The following RIT2 variants were observed in gnomAD, a reference collection of about 807,000 sequenced individuals.
The protein encoded by RIT2 is GTP-binding protein Rit2.
RIT2 carries 24 observed loss-of-function variants against 23.7 expected under a neutral mutation model. The ratio of observed to expected loss-of-function variants is 1.01; its 90% CI spans 0.73 to 1.43. The LOEUF (loss-of-function observed/expected upper bound fraction) is 1.43. Ranked by LOEUF, RIT2 falls within the 40% of genes most tolerant of loss-of-function variation. The pLI, the probability that RIT2 is intolerant of heterozygous loss-of-function variation, is 0.00. For synonymous variants in RIT2, 107 were observed against 91.1 expected, an observed-to-expected ratio of 1.17 and a Z score of -0.99; for missense variants, 236 against 266.9, an observed-to-expected ratio of 0.88 and a Z score of 0.81.
At chr18:42,807,589 C>G (rs961943131) in intron 4 of RIT2, among the ~76,000 whole-genome samples, 4 of 152,146 alleles carry the variant, frequency 2.6e-5, no homozygotes, top group African/African-American at 7.2e-5. Flanking sequence ...TGCACTCCAG[C>G]CTGGGTGGCA....
At chr18:43,017,690 A>G (rs58766409) in intron 2 of RIT2, among the ~76,000 whole-genome samples, 5,225 of 152,142 alleles carry the variant, frequency 0.034, 303 homozygotes, top group African/African-American at 0.12. Context: ...TATTATCTCA[A>G]TTAACCCTCA....
intron 4 of RIT2, among the ~76,000 whole-genome samples, chr18:42,748,789 C>T (rs1027626075): frequency 6.6e-6 from 1 of 151,906 alleles, no homozygotes; most frequent in African/African-American, 2.4e-5. Context: ...GGATAAAAGG[C>T]TACACATTGG....
At chr18:43,068,832 G>A (rs1227087132) in intron 1 of RIT2, among the ~76,000 whole-genome samples, 3 of 151,926 alleles carry the variant, frequency 2.0e-5, no homozygotes, top group Non-Finnish European at 4.4e-5. Context: ...ATTTGTGTTG[G>A]CACAGTTTAC....
intron 4 of RIT2, among the ~76,000 whole-genome samples, chr18:42,916,206 C>T (rs1434576984): frequency 6.6e-6 from 1 of 152,062 alleles, no homozygotes; most frequent in Non-Finnish European, 1.5e-5. Flanking sequence ...TAATGAAGAT[C>T]ACAGGTGGTA....
intron 1 of RIT2, among the ~76,000 whole-genome samples, chr18:43,086,638 A>G (rs771824730): frequency 2.0e-5 from 3 of 152,140 alleles, no homozygotes; most frequent in Non-Finnish European, 2.9e-5. Flanking sequence ...AAGGCACTGC[A>G]CGGCTGGCCA....
intron 4 of RIT2, among the ~76,000 whole-genome samples, chr18:42,877,304 C>A (rs1907768110): frequency 6.6e-6 from 1 of 151,394 alleles, no homozygotes; most frequent in African/African-American, 2.4e-5. Context: ...TGAGAGAGAT[C>A]TTTGTTATTT....
chr18:42,966,801 G>C (rs1309587365), intron 3 of RIT2, among the ~76,000 whole-genome samples: 2 of 151,828 alleles, frequency 1.3e-5, no homozygotes, highest in Admixed American at 6.6e-5. Flanking sequence ...ATCATGTTGA[G>C]AATGTCAGAT....
At chr18:43,054,021 G>C (rs1443138460) in intron 1 of RIT2, among the ~76,000 whole-genome samples, 1 of 152,024 alleles carries the variant, frequency 6.6e-6, no homozygotes, top group East Asian at 1.9e-4. Context: ...CCAAGGCAGA[G>C]TTCTTGGCAG....
intron 3 of RIT2, among the ~76,000 whole-genome samples, chr18:42,943,387 A>T (rs1280204815): frequency 6.6e-6 from 1 of 152,014 alleles, no homozygotes. Flanking sequence ...CCCTTATAAG[A>T]CAGAAAAGTT....
intron 1 of RIT2, among the ~76,000 whole-genome samples, chr18:43,054,201 G>C (rs1212882327): frequency 6.6e-6 from 1 of 152,040 alleles, no homozygotes; most frequent in Non-Finnish European, 1.5e-5. Flanking sequence ...TTGTGCAGCT[G>C]GGTCAGTATC....
chr18:43,040,782 A>T (rs1431618687), intron 1 of RIT2, among the ~76,000 whole-genome samples: 1 of 152,084 alleles, frequency 6.6e-6, no homozygotes, highest in Non-Finnish European at 1.5e-5. Flanking sequence ...AAAGGTGGAA[A>T]TGTCAAATGA....
chr18:42,954,852 C>T (rs1179671910), intron 3 of RIT2, among the ~76,000 whole-genome samples: 1 of 152,118 alleles, frequency 6.6e-6, no homozygotes, highest in Non-Finnish European at 1.5e-5. Context: ...TTTACCACCT[C>T]TCTTACTGTT....
intron 4 of RIT2, among the ~76,000 whole-genome samples, chr18:42,904,029 G>A (rs1039111600): frequency 6.6e-6 from 1 of 152,004 alleles, no homozygotes; most frequent in Non-Finnish European, 1.5e-5. Flanking sequence ...AAATTGTAAT[G>A]CTATATTTAT....
chr18:43,028,429 A>G (rs1055260276), intron 2 of RIT2, among the ~76,000 whole-genome samples: 3 of 152,096 alleles, frequency 2.0e-5, no homozygotes, highest in African/African-American at 7.2e-5. Context: ...TGGTTGGTGC[A>G]TAGCAAGCAA....
intron 4 of RIT2, among the ~76,000 whole-genome samples, chr18:42,845,094 T>C (rs570579583): frequency 1.6e-4 from 24 of 152,052 alleles, no homozygotes; most frequent in Admixed American, 5.9e-4. Flanking sequence ...AAGTTGAGTA[T>C]ATGGGATTGC....
chr18:42,837,721 G>A (rs1906656527), intron 4 of RIT2, among the ~76,000 whole-genome samples: 1 of 152,080 alleles, frequency 6.6e-6, no homozygotes, highest in Admixed American at 6.6e-5. Context: ...TGGTCTTTCT[G>A]TAGTCCCAGT....
At chr18:42,873,694 A>ATT (rs1907676526) in intron 4 of RIT2, among the ~76,000 whole-genome samples, 1 of 152,178 alleles carries the variant, frequency 6.6e-6, no homozygotes, top group African/African-American at 2.4e-5. Flanking sequence ...CAGAAGGAAT[A>ATT]TTCAAGATGA....
chr18:42,807,823 G>A (rs1025455162), intron 4 of RIT2, among the ~76,000 whole-genome samples: 1 of 149,388 alleles, frequency 6.7e-6, no homozygotes, highest in Non-Finnish European at 1.5e-5. Context: ...GTGTGTGTGT[G>A]TGTAATCTGA....
intron 1 of RIT2, among the ~76,000 whole-genome samples, chr18:43,057,903 G>A (rs941073692): frequency 6.6e-6 from 1 of 151,276 alleles, no homozygotes; most frequent in Non-Finnish European, 1.5e-5. Context: ...GGAGGATTTT[G>A]GTGTGTCTTG....
Sources: allele counts gnomAD v4.1 joint callset (sites outside exome capture counted in the v4.1 genomes callset), GRCh38; gene constraint gnomAD v4.1.1; transcripts MANE v1.5; gene names NCBI Gene and HGNC (gene_info 2026-07-23, HGNC 2026-07-21).